The following PGAP1 variants were observed in gnomAD, a reference collection of about 807,000 sequenced individuals.
The protein encoded by PGAP1 is post-GPI attachment to proteins inositol deacylase 1, also known as GPI inositol-deacylase.
Under a neutral mutation model 127.0 loss-of-function variants are expected in PGAP1, and 76 were observed. The ratio of observed to expected loss-of-function variants is 0.60; its 90% CI spans 0.50 to 0.72. The LOEUF is 0.72. Among genes scored for constraint, PGAP1 ranks in the 30% least tolerant of loss-of-function variants. The pLI is 0.00. For synonymous variants in PGAP1, 362 were observed against 366.5 expected, an observed-to-expected ratio of 0.99 and a Z score of 0.14; for missense variants, 982 against 1,071.3, an observed-to-expected ratio of 0.92 and a Z score of 1.16.
At chr2:196,922,835 C>T (rs1406403468) in intron 1 of PGAP1, among the ~76,000 whole-genome samples, 1 of 151,592 alleles carries the variant, frequency 6.6e-6, no homozygotes, top group Non-Finnish European at 1.5e-5. Context: ...CAGCACATGC[C>T]ATCACACTTG....
chr2:196,867,358 A>G (rs1183112398), intron 19 of PGAP1, among the ~76,000 whole-genome samples: 1 of 152,216 alleles, frequency 6.6e-6, no homozygotes, highest in African/African-American at 2.4e-5. Context: ...CATCATTCTC[A>G]GCAAACTAAC....
intron 19 of PGAP1, among the ~76,000 whole-genome samples, chr2:196,866,301 C>A (rs533826693): frequency 2.6e-4 from 39 of 152,138 alleles, no homozygotes; most frequent in African/African-American, 8.2e-4. Flanking sequence ...AGAACAGAGG[C>A]CTCAGAAATA....
chr2:196,873,627 G>A, intron 15 of PGAP1, 48 bp from the exon 16 acceptor site: 1 of 1,581,260 alleles, frequency 6.3e-7, no homozygotes, highest in Non-Finnish European at 8.7e-7. Flanking sequence ...TTACTTGTAT[G>A]TTAAAGTAAA....
rs747189175 is a variant in PGAP1, at chr2:196,926,443, C to T, written c.147+27G>A. 4.3e-6 allele frequency: 7 copies of T among 1,613,550 alleles called. No individual in the cohort carries two copies. In the South Asian group the frequency reaches 7.7e-5, roughly 18 times the overall value. On this transcript the variant is annotated intron_variant, in intron 1 of 26. Coordinates refer to ENST00000354764, the MANE Select transcript of PGAP1 (RefSeq NM_024989.4). ...ACCAGGGGCCAGAGTCTTGGAGCGC[C>T]CGGCTGAGGAGAGGGCAGAACCTTA...
At chr2:196,898,210 T>A in intron 6 of PGAP1, 107 bp downstream of exon 6, 1 of 744,914 alleles carries the variant, frequency 1.3e-6, no homozygotes, top group Non-Finnish European at 2.2e-6. Context: ...AGAGCGAGAC[T>A]CTGTCTCAAA....
At chr2:196,901,304 T>C (rs893172771) in intron 5 of PGAP1, among the ~76,000 whole-genome samples, 1 of 152,206 alleles carries the variant, frequency 6.6e-6, no homozygotes, top group Non-Finnish European at 1.5e-5. Flanking sequence ...TCTAGTTACA[T>C]GAAAATGGTG....
At chr2:196,880,188 T>C in intron 12 of PGAP1, 35 bp from the exon 13 acceptor site, 1 of 1,291,856 alleles carries the variant, frequency 7.7e-7, no homozygotes, top group Non-Finnish European at 1.1e-6. Context: ...CTTTTATTTC[T>C]TAGAGATTAA....
chr2:196,923,601 T>C (rs1703277882), intron 1 of PGAP1, among the ~76,000 whole-genome samples: 1 of 152,162 alleles, frequency 6.6e-6, no homozygotes, highest in South Asian at 2.1e-4. Flanking sequence ...ATTCAATAAA[T>C]GACTTTCTAA....
chr2:196,869,220 G>T (rs1268457599), intron 19 of PGAP1, among the ~76,000 whole-genome samples: 2 of 152,068 alleles, frequency 1.3e-5, no homozygotes, highest in African/African-American at 4.8e-5. Flanking sequence ...ATGAGACACA[G>T]GAATTATATG....
chr2:196,902,479 C>A, intron 5 of PGAP1, 106 bp downstream of exon 5: 1 of 945,128 alleles, frequency 1.1e-6, no homozygotes. Flanking sequence ...CAGTCCAACA[C>A]CACTAACTCA....
intron 1 of PGAP1, among the ~76,000 whole-genome samples, chr2:196,923,498 T>C (rs948813121): frequency 6.6e-6 from 1 of 152,204 alleles, no homozygotes; most frequent in Non-Finnish European, 1.5e-5. Context: ...TCCCCCATTG[T>C]ATTTATCAAG....
rs1559346407 is a variant in PGAP1 at position 196,873,576 on chromosome 2, A to G, written c.1504T>C (p.Tyr502His). The part of the protein sequence containing the change: ...NLELLNFGQI[Y>H]QAFKINVVSK... ...ACCACGTTGATTTTAAAAGCTTGGT[A>G]TATCTAATAGAGTTTGACCACAAAA... is the stretch of plus-strand genomic sequence containing the variant. Residue 502 changes from tyrosine (Y) to histidine (H), a missense_variant, in exon 16 of 27, where the codon TAC becomes CAC. By Grantham distance (83) the Tyr-to-His change is moderately conservative (BLOSUM62 2). Transcript: ENST00000354764. 8 of 1,610,998 alleles carry G rather than the reference A, an allele frequency of 5.0e-6. No individual in the cohort carries two copies. Among genetic ancestry groups the G allele is most frequent in the African/African-American group, 1.3e-5 (1 of 74,852 alleles).
At chr2:196,841,817 T>C (rs1700422074) in intron 26 of PGAP1, among the ~76,000 whole-genome samples, 2 of 152,126 alleles carry the variant, frequency 1.3e-5, no homozygotes, top group African/African-American at 4.8e-5. Flanking sequence ...ACGCCTGGCC[T>C]ACCTATTCAT....
intron 7 of PGAP1, among the ~76,000 whole-genome samples, chr2:196,894,271 A>C (rs1702194836): frequency 6.6e-6 from 1 of 152,140 alleles, no homozygotes; most frequent in African/African-American, 2.4e-5. Flanking sequence ...TGGTCCCTTC[A>C]CCATTCTGAT....
chr2:196,877,427 T>C (rs1000802718), intron 13 of PGAP1: 4 of 152,130 alleles, frequency 2.6e-5, no homozygotes, highest in African/African-American at 9.6e-5. Context: ...GCAGTGTTAC[T>C]TTCCAAAGAG....
At chr2:196,915,396 A>T (rs1702972790) in intron 3 of PGAP1, among the ~76,000 whole-genome samples, 1 of 151,942 alleles carries the variant, frequency 6.6e-6, no homozygotes, top group Admixed American at 6.6e-5. Context: ...CTAGCCTTGA[A>T]CTCCACCTGT....
rs1336351172 is a variant in PGAP1, at chr2:196,835,703, TAC to T, written c.*5529_*5530del. 1.3e-5 allele frequency: 2 copies of T among 152,526 alleles called. No homozygotes were observed. The highest frequency in any genetic ancestry group is 3.8e-4 in the East Asian group (2 of 5,204). 9.4% of individuals were successfully genotyped at this position (152,526 alleles called of 1,614,324 possible). A position where few individuals can be genotyped will look rare whatever the true frequency, so the allele number is the denominator to read the frequency against. ...TTGGCACAAATATCCAGAGGTATTT[TAC>T]AGTTTCATTTACCTTTGGTGGCAAA... On this transcript the variant is annotated 3_prime_UTR_variant, in exon 27 of 27. Transcript: ENST00000354764.
At chr2:196,924,985 G>A (rs1703318549) in intron 1 of PGAP1, among the ~76,000 whole-genome samples, 1 of 152,168 alleles carries the variant, frequency 6.6e-6, no homozygotes, top group African/African-American at 2.4e-5. Context: ...AATCTATTGG[G>A]AGTTTCCTAA....
intron 2 of PGAP1, 145 bp downstream of exon 2, chr2:196,919,852 A>G (rs1703129424): frequency 2.7e-6 from 2 of 736,020 alleles, no homozygotes; most frequent in South Asian, 2.6e-5. Context: ...AAAATATTAT[A>G]TTTTGGTCTC....
Sources: allele counts gnomAD v4.1 joint callset (sites outside exome capture counted in the v4.1 genomes callset), GRCh38; gene constraint gnomAD v4.1.1; transcripts MANE v1.5; gene names NCBI Gene and HGNC (gene_info 2026-07-23, HGNC 2026-07-21).